The following SSPN variants were observed in gnomAD, a reference collection of about 807,000 sequenced individuals.
The protein encoded by SSPN is K-ras oncogene-associated protein.
Under a neutral mutation model 19.1 loss-of-function variants are expected in SSPN, and 15 were observed. The observed-to-expected ratio is 0.78, with a 90% CI of 0.52 to 1.21. The LOEUF is 1.21. Among genes scored for constraint, SSPN ranks in the 50% most tolerant of loss-of-function variants. The pLI is 0.00. For missense variants in SSPN, 291 were observed against 314.0 expected (o/e 0.93, Z 0.55); for synonymous variants, 147 against 140.3 (o/e 1.05, Z -0.34).
chr12:26,208,367 A>C (rs1313634477), intron 1 of SSPN, among the ~76,000 whole-genome samples: 1 of 152,148 alleles, frequency 6.6e-6, no homozygotes, highest in Non-Finnish European at 1.5e-5. Flanking sequence ...GGAATTGAAC[A>C]TATTTTATGT....
intron 1 of SSPN, chr12:26,180,167 A>C (rs923207711): frequency 6.6e-6 from 1 of 152,156 alleles, no homozygotes; most frequent in Admixed American, 6.5e-5. Context: ...TTCATCTTCC[A>C]TCTCTACTTC....
intron 1 of SSPN, chr12:26,124,025 T>C (rs1370182899): frequency 7.8e-7 from 1 of 1,288,976 alleles, no homozygotes; most frequent in African/African-American, 1.5e-5. Flanking sequence ...CACCAGACTA[T>C]TAACACGCCC....
intron 1 of SSPN, among the ~76,000 whole-genome samples, chr12:26,130,775 T>C (rs1261830589): frequency 6.6e-6 from 1 of 152,198 alleles, no homozygotes; most frequent in Non-Finnish European, 1.5e-5. Flanking sequence ...CCCACACTTC[T>C]GCTTTTCCAC....
Position 26,234,180 on chromosome 12 carries a change from C to T in SSPN, c.*3104C>T, listed in dbSNP as rs1210723267. On this transcript the variant is annotated 3_prime_UTR_variant, in exon 3 of 3. Transcript: ENST00000242729. ...TAATATTCTTATACTTCCCTTTTTG[C>T]ATGCAGTATGTCTGGAATATGTTTA... The T allele has an allele frequency of 6.6e-6, 1 of 152,148 alleles. No homozygotes were observed. Among genetic ancestry groups the T allele is most frequent in the Non-Finnish European group, 1.5e-5 (1 of 68,018 alleles). 9.4% of individuals were successfully genotyped at this position (152,148 alleles called of 1,614,324 possible).
chr12:26,133,715 C>A (rs1294723424), intron 1 of SSPN, among the ~76,000 whole-genome samples: 1 of 152,232 alleles, frequency 6.6e-6, no homozygotes, highest in Non-Finnish European at 1.5e-5. Context: ...GTAAACCTCA[C>A]ATCTGCACAC....
At chr12:26,135,933 A>C (rs1394747231) in intron 1 of SSPN, among the ~76,000 whole-genome samples, 1 of 152,192 alleles carries the variant, frequency 6.6e-6, no homozygotes, top group Non-Finnish European at 1.5e-5. Flanking sequence ...AGACATACCA[A>C]AGGTAATGAA....
At chr12:26,173,605 A>G (rs996768847) in intron 1 of SSPN, among the ~76,000 whole-genome samples, 1 of 151,894 alleles carries the variant, frequency 6.6e-6, no homozygotes, top group Non-Finnish European at 1.5e-5. Flanking sequence ...TTACTACTTT[A>G]TGACCATTTC....
At chr12:26,165,622 C>G (rs1382066729) in intron 1 of SSPN, among the ~76,000 whole-genome samples, 1 of 152,124 alleles carries the variant, frequency 6.6e-6, no homozygotes, top group Non-Finnish European at 1.5e-5. Flanking sequence ...GACAGGCAGC[C>G]CTAGGGGCAG....
intron 1 of SSPN, among the ~76,000 whole-genome samples, chr12:26,133,500 A>G (rs565257710): frequency 8.2e-4 from 125 of 152,334 alleles, no homozygotes; most frequent in African/African-American, 2.9e-3. Context: ...ACCACCCTAG[A>G]TATTTCAAGT....
intron 1 of SSPN, chr12:26,122,778 GC>G: frequency 6.3e-7 from 1 of 1,587,012 alleles, no homozygotes; most frequent in Non-Finnish European, 8.5e-7. Flanking sequence ...CCGGGCCTCG[GC>G]TTCGCCGCCG....
intron 1 of SSPN, chr12:26,123,797 C>T: frequency 2.6e-6 from 3 of 1,152,690 alleles, no homozygotes; most frequent in Non-Finnish European, 3.9e-6. Flanking sequence ...ACACATTTGG[C>T]TTAATTGGCT....
At chr12:26,224,789 A>AC (rs1194175325) in intron 2 of SSPN, among the ~76,000 whole-genome samples, 1 of 151,648 alleles carries the variant, frequency 6.6e-6, no homozygotes, top group Admixed American at 6.6e-5. Flanking sequence ...GAGACAGAAA[A>AC]AGTACATTGG....
chr12:26,200,440 G>A (rs11048427), intron 1 of SSPN, among the ~76,000 whole-genome samples: 2,502 of 152,272 alleles, frequency 0.016, 68 homozygotes, highest in African/African-American at 0.057. Flanking sequence ...GGAAAATTGG[G>A]TGGTTATTTA....
chr12:26,123,790 C>G, intron 1 of SSPN: 2 of 1,273,304 alleles, frequency 1.6e-6, no homozygotes, highest in Non-Finnish European at 2.3e-6. Flanking sequence ...TAAAAACACA[C>G]ATTTGGCTTA....
intron 1 of SSPN, among the ~76,000 whole-genome samples, chr12:26,189,013 G>A (rs1026569422): frequency 2.0e-5 from 3 of 151,912 alleles, no homozygotes; most frequent in Non-Finnish European, 4.4e-5. Context: ...AGATCTAGGT[G>A]TTTTTTTGTT....
At chr12:26,199,528 T>G (rs1565684941) in intron 1 of SSPN, among the ~76,000 whole-genome samples, 1 of 152,224 alleles carries the variant, frequency 6.6e-6, no homozygotes. Flanking sequence ...CTTTTGAGGA[T>G]GCACTTGGCT....
intron 1 of SSPN, among the ~76,000 whole-genome samples, chr12:26,208,025 G>C (rs570779598): frequency 3.3e-5 from 5 of 150,918 alleles, no homozygotes; most frequent in Non-Finnish European, 4.4e-5. Context: ...TGGTGGGGGG[G>C]GGGGATATAT....
At chr12:26,228,405 G>T (rs1364238692) in intron 2 of SSPN, among the ~76,000 whole-genome samples, 1 of 151,836 alleles carries the variant, frequency 6.6e-6, no homozygotes, top group Non-Finnish European at 1.5e-5. Context: ...GCTATTTAAG[G>T]ATGTATGTAT....
At chr12:26,122,174 C>T (rs1295034741) in intron 1 of SSPN, 14 of 1,507,466 alleles carry the variant, frequency 9.3e-6, no homozygotes, top group South Asian at 3.8e-5. Context: ...CGTGCGGGTG[C>T]TGGGGGTGCG....
Sources: gnomAD v4.1 joint callset for allele counts (sites outside exome capture counted in the v4.1 genomes callset) on GRCh38, gnomAD v4.1.1 for gene constraint, MANE v1.5 for transcripts, NCBI Gene and HGNC (gene_info 2026-07-23, HGNC 2026-07-21) for gene names.